Variants in PRKCE observed in about 807,000 individuals in gnomAD.
PRKCE encodes the protein protein kinase C epsilon.
PRKCE carries 16 observed loss-of-function variants against 85.4 expected under a neutral mutation model. That is an observed-to-expected ratio of 0.19 (90% CI 0.13 to 0.28). The LOEUF is 0.28. PRKCE is among the 10% of genes least tolerant of loss of function. The probability of loss-of-function intolerance (pLI) is 1.00; values close to 1 mark genes in which losing one functional copy is unlikely to be tolerated. For missense variants in PRKCE, 573 were observed against 975.2 expected (o/e 0.59, Z 5.49); for synonymous variants, 388 against 371.5 (o/e 1.04, Z -0.51).
intron 1 of PRKCE, among the ~76,000 whole-genome samples, chr2:45,791,823 A>T (rs539072552): frequency 1.2e-4 from 18 of 152,318 alleles, no homozygotes; most frequent in Admixed American, 8.5e-4. Context: ...GGTCAGGAGC[A>T]CGGGCTTTGA....
rs562412497 is a variant in PRKCE at position 45,781,979 on chromosome 2, G to C, written c.349-61021G>C. On this transcript the variant is annotated intron_variant, in intron 1 of 14. Transcript: ENST00000306156. ...GTTACATCCTTTCTCAGGACCAATA[G>C]ATAATAAATGGAGGTGAGGTTTGAG... Among the ~76,000 whole-genome samples the C allele has an allele frequency of 2.0e-4, 30 of 152,226 alleles. 1 individual carries two copies. The South Asian group carries it at 6.0e-3, about 31-fold the overall frequency.
Position 45,954,165 on chromosome 2 carries a change from C to A in PRKCE, c.413-22264C>A, listed in dbSNP as rs1273888731. ...TTAGGTGCGCAGGGACTTTGTGTGG[C>A]CCTAGTGAATCTTGGCAAGGAAAAC... On this transcript the variant is annotated intron_variant, in intron 2 of 14. Coordinates refer to ENST00000306156, the MANE Select transcript of PRKCE (RefSeq NM_005400.3). Among the ~76,000 whole-genome samples, 7 of 152,178 alleles carry A rather than the reference C, an allele frequency of 4.6e-5. No individual in the cohort carries two copies. The East Asian group carries it at 1.3e-3, about 29-fold the overall frequency.
In PRKCE at chr2:46,182,345, G is replaced by A. The variant is rs777526321; in HGVS notation, c.2068-2390G>A. ...CCCTCCCGCGTCAGTGTGCGTCACC[G>A]TGGGGATGGTCTTTGTTGTTTCCCT... is the stretch of plus-strand genomic sequence containing the variant. On this transcript the variant is annotated intron_variant, in intron 14 of 14. Coordinates refer to ENST00000306156, the MANE Select transcript of PRKCE (RefSeq NM_005400.3). Among the ~76,000 whole-genome samples, 8 of 152,164 alleles carry A rather than the reference G, an allele frequency of 5.3e-5. No individual in the cohort carries two copies. In the South Asian group the frequency reaches 6.2e-4, roughly 12 times the overall value.
intron 1 of PRKCE, among the ~76,000 whole-genome samples, chr2:45,822,731 T>A (rs1365423173): frequency 1.3e-5 from 2 of 152,222 alleles, no homozygotes; most frequent in Non-Finnish European, 2.9e-5. Context: ...CTGAGTGAGT[T>A]CCATCATTGC....
intron 2 of PRKCE, among the ~76,000 whole-genome samples, chr2:45,928,932 G>C (rs6712478): frequency 0.82 from 125,007 of 152,160 alleles, 52,239 homozygotes; most frequent in East Asian, 0.99. Flanking sequence ...CAGCGCTGAG[G>C]TCCACCTGTC....
intron 1 of PRKCE, among the ~76,000 whole-genome samples, chr2:45,829,624 C>G (rs1282877334): frequency 6.6e-6 from 1 of 152,172 alleles, no homozygotes; most frequent in Non-Finnish European, 1.5e-5. Context: ...GGCACAGGAA[C>G]CTAGCATAGA....
intron 10 of PRKCE, among the ~76,000 whole-genome samples, chr2:46,023,808 G>A (rs1046104774): frequency 6.6e-6 from 1 of 152,176 alleles, no homozygotes; most frequent in African/African-American, 2.4e-5. Flanking sequence ...TAGCCTGAAA[G>A]GAGAGAGGGG....
At chr2:45,898,985 T>C (rs913839131) in intron 2 of PRKCE, among the ~76,000 whole-genome samples, 4 of 152,230 alleles carry the variant, frequency 2.6e-5, no homozygotes, top group Non-Finnish European at 4.4e-5. Context: ...ACCCAACTCA[T>C]TGTTTCAGGA....
At chr2:45,913,080 T>A (rs1445281980) in intron 2 of PRKCE, among the ~76,000 whole-genome samples, 14 of 152,200 alleles carry the variant, frequency 9.2e-5, no homozygotes, top group African/African-American at 3.1e-4. Flanking sequence ...TAAGGTGGTG[T>A]CTTGACTACT....
chr2:45,809,212 A>T (rs1481309274), intron 1 of PRKCE, among the ~76,000 whole-genome samples: 1 of 152,214 alleles, frequency 6.6e-6, no homozygotes, highest in African/African-American at 2.4e-5. Context: ...CCTCCCAGGA[A>T]CAAGAGGGGT....
intron 1 of PRKCE, among the ~76,000 whole-genome samples, chr2:45,712,200 T>G (rs1354628476): frequency 7.9e-6 from 1 of 126,930 alleles, no homozygotes; most frequent in African/African-American, 3.0e-5. Flanking sequence ...CAGGCTGGAG[T>G]GCAGTGGTGC....
intron 2 of PRKCE, among the ~76,000 whole-genome samples, chr2:45,916,661 CT>C (rs998257374): frequency 5.4e-4 from 82 of 152,246 alleles, no homozygotes; most frequent in African/African-American, 1.9e-3. Context: ...GTGTTCTGAT[CT>C]CTTAGATTAC....
intron 6 of PRKCE, among the ~76,000 whole-genome samples, chr2:46,000,619 T>C (rs1704600101): frequency 6.6e-6 from 1 of 152,090 alleles, no homozygotes; most frequent in South Asian, 2.1e-4. Context: ...TCTCCATATT[T>C]ACTATGAGAA....
At chr2:45,911,601 G>A (rs1344508440) in intron 2 of PRKCE, among the ~76,000 whole-genome samples, 1 of 152,170 alleles carries the variant, frequency 6.6e-6, no homozygotes, top group East Asian at 1.9e-4. Flanking sequence ...CTGATTGTAT[G>A]ACTCCTCAGT....
intron 2 of PRKCE, among the ~76,000 whole-genome samples, chr2:45,903,887 T>TGTTTG (rs1553445441): frequency 2.3e-4 from 24 of 102,682 alleles, no homozygotes; most frequent in Admixed American, 1.9e-3. Flanking sequence ...GGCAGTTTTT[T>TGTTTG]TTTGTTTGTT....
intron 1 of PRKCE, among the ~76,000 whole-genome samples, chr2:45,757,333 G>C (rs75184978): frequency 7.7e-5 from 9 of 116,426 alleles, no homozygotes; most frequent in African/African-American, 2.8e-4. Context: ...AAAAAAAAAA[G>C]AGTGTTCAAT....
At chr2:45,762,681 C>G (rs1457739395) in intron 1 of PRKCE, among the ~76,000 whole-genome samples, 6 of 152,202 alleles carry the variant, frequency 3.9e-5, no homozygotes, top group East Asian at 3.8e-4. Flanking sequence ...CTTCATTTCT[C>G]CATCAACATA....
intron 2 of PRKCE, among the ~76,000 whole-genome samples, chr2:45,960,625 A>C (rs1481403451): frequency 6.6e-6 from 1 of 152,192 alleles, no homozygotes; most frequent in Non-Finnish European, 1.5e-5. Context: ...CCCACCCACC[A>C]ATCACCTCCT....
intron 10 of PRKCE, among the ~76,000 whole-genome samples, chr2:46,021,739 G>A (rs939507460): frequency 1.3e-5 from 2 of 152,090 alleles, no homozygotes; most frequent in African/African-American, 2.4e-5. Flanking sequence ...TATCTAACCC[G>A]GTCACCAAAC....
Sources: gnomAD v4.1 joint callset for allele counts (sites outside exome capture counted in the v4.1 genomes callset) on GRCh38, gnomAD v4.1.1 for gene constraint, MANE v1.5 for transcripts, NCBI Gene and HGNC (gene_info 2026-07-23, HGNC 2026-07-21) for gene names.